KIF1B: variants seen among roughly 807,000 people sequenced by gnomAD.
KIF1B encodes kinesin-like protein KIF1B.
A neutral mutation model predicts 241.9 loss-of-function variants in KIF1B; 76 were observed. That is an observed-to-expected ratio of 0.31 (90% CI 0.26 to 0.38). The LOEUF (loss-of-function observed/expected upper bound fraction) is 0.38, where lower values mean the gene tolerates loss of function less well. KIF1B is among the 10% of genes least tolerant of loss of function. The pLI is 1.00. For missense variants in KIF1B, 1,622 were observed against 2,271.4 expected, an observed-to-expected ratio of 0.71 and a Z score of 5.81; for synonymous variants, 750 against 796.7, an observed-to-expected ratio of 0.94 and a Z score of 0.99.
At chr1:10,250,766 C>T (rs559841026) in intron 2 of KIF1B, among the ~76,000 whole-genome samples, 5 of 152,274 alleles carry the variant, frequency 3.3e-5, no homozygotes, top group South Asian at 4.1e-4. Flanking sequence ...TTGCAGGCTG[C>T]AGTAAGCCAT....
intron 22 of KIF1B, among the ~76,000 whole-genome samples, chr1:10,310,495 A>ATG (rs2102281150): frequency 6.6e-6 from 1 of 151,810 alleles, no homozygotes; most frequent in South Asian, 2.1e-4. Context: ...AAGCAGCCAT[A>ATG]GACAATATGG....
Position 10,242,986 on chromosome 1 carries a change from C to T in KIF1B, c.106+10552C>T, listed in dbSNP as rs574447689. 2.3e-4 allele frequency among the ~76,000 whole-genome samples: 35 copies of T among 152,184 alleles called. 2 individuals carry two copies. The South Asian group carries it at 6.6e-3, about 29-fold the overall frequency. On this transcript the variant is annotated intron_variant, in intron 2 of 48. Transcript: ENST00000676179. ...TTGGCTTACCAGAAAACTGTGGGGC[C>T]GGAAGTATCAGAAGCAACACAGTGA...
intron 36 of KIF1B, among the ~76,000 whole-genome samples, chr1:10,348,166 T>C (rs1652655874): frequency 6.6e-6 from 1 of 152,240 alleles, no homozygotes; most frequent in Non-Finnish European, 1.5e-5. Context: ...CCAGAAGTTC[T>C]TAATAGGAAT....
chr1:10,230,219 A>G (rs1268174381), intron 1 of KIF1B, among the ~76,000 whole-genome samples: 4 of 152,142 alleles, frequency 2.6e-5, no homozygotes, highest in Non-Finnish European at 4.4e-5. Flanking sequence ...GTTCTCGGGA[A>G]CACATCGGTT....
At chr1:10,327,192 C>A (rs987145573) in intron 27 of KIF1B, among the ~76,000 whole-genome samples, 1 of 151,844 alleles carries the variant, frequency 6.6e-6, no homozygotes, top group Non-Finnish European at 1.5e-5. Flanking sequence ...CCCATGAAAC[C>A]CGTCTCTACT....
At chr1:10,310,275 G>A (rs1651011214) in intron 22 of KIF1B, among the ~76,000 whole-genome samples, 1 of 151,644 alleles carries the variant, frequency 6.6e-6, no homozygotes, top group Non-Finnish European at 1.5e-5. Flanking sequence ...GATTCACTAG[G>A]TCTGGGGCGA....
At chr1:10,236,630 G>A (rs1466422396) in intron 2 of KIF1B, among the ~76,000 whole-genome samples, 3 of 152,164 alleles carry the variant, frequency 2.0e-5, no homozygotes, top group African/African-American at 7.2e-5. Context: ...AATCATATGA[G>A]AACCATTATA....
At chr1:10,311,004 C>G (rs1651042128) in intron 22 of KIF1B, among the ~76,000 whole-genome samples, 1 of 151,440 alleles carries the variant, frequency 6.6e-6, no homozygotes, top group Non-Finnish European at 1.5e-5. Context: ...TGGGCTTTCC[C>G]TCCTGTTAGT....
intron 22 of KIF1B, chr1:10,306,566 G>C (rs1650836078): frequency 8.1e-6 from 4 of 496,630 alleles, no homozygotes; most frequent in African/African-American, 2.0e-5. Flanking sequence ...CACTATGCCA[G>C]TTGGGTGTAA....
At chr1:10,241,167 A>T (rs1011448517) in intron 2 of KIF1B, among the ~76,000 whole-genome samples, 4 of 152,134 alleles carry the variant, frequency 2.6e-5, no homozygotes, top group Admixed American at 1.3e-4. Flanking sequence ...GACTGAATAC[A>T]GTGGCACAAT....
chr1:10,250,835 A>C (rs940212812), intron 2 of KIF1B, among the ~76,000 whole-genome samples: 1 of 151,182 alleles, frequency 6.6e-6, no homozygotes, highest in African/African-American at 2.4e-5. Flanking sequence ...GGGGAAAACA[A>C]ATGGATTAGT....
At chr1:10,289,768 C>T (rs1335022978) in intron 15 of KIF1B, among the ~76,000 whole-genome samples, 1 of 152,088 alleles carries the variant, frequency 6.6e-6, no homozygotes, top group African/African-American at 2.4e-5. Context: ...CCTGCAGTGC[C>T]AGCTACTCAG....
At chr1:10,290,277 A>AGGTTCTTATATTTATATAAG (rs1649927965) in intron 15 of KIF1B, among the ~76,000 whole-genome samples, 1 of 152,076 alleles carries the variant, frequency 6.6e-6, no homozygotes, top group South Asian at 2.1e-4. Context: ...TCTGGGTTTT[A>AGGTTCTTATATTTATATAAG]AACCCTGTAT....
chr1:10,346,691 A>G (rs553362320), intron 35 of KIF1B, among the ~76,000 whole-genome samples: 5 of 152,276 alleles, frequency 3.3e-5, no homozygotes, highest in African/African-American at 1.2e-4. Context: ...GTTTTATCAT[A>G]ATGGGTTTTA....
intron 28 of KIF1B, among the ~76,000 whole-genome samples, chr1:10,335,810 A>T (rs919241107): frequency 4.0e-5 from 6 of 151,496 alleles, no homozygotes; most frequent in African/African-American, 1.5e-4. Context: ...CCTGGGCAAC[A>T]TAGTGAGACC....
rs201066671 is a variant in KIF1B at position 10,212,890 on chromosome 1, GTATATATATATATATATATATATATA to G, written c.-80+2029_-80+2054del. On this transcript the variant is annotated intron_variant, in intron 1 of 48. Transcript: ENST00000676179. ...TATGTGTGTGTGTGCATGCGTGTGT[GTATATATATATATATATATATATATA>G]TATATATATATATATACACACACAC... Among the ~76,000 whole-genome samples the G allele has an allele frequency of 2.3e-3, 257 of 109,498 alleles. 8 individuals are homozygous for G. The East Asian group carries it at 0.053, about 23-fold the overall frequency. 71.8% of individuals were successfully genotyped at this position (109,498 alleles called of 152,430 possible). A position where few individuals can be genotyped will look rare whatever the true frequency, so the allele number is the denominator to read the frequency against.
chr1:10,367,780 G>A (rs533613553), intron 43 of KIF1B, among the ~76,000 whole-genome samples: 1 of 152,014 alleles, frequency 6.6e-6, no homozygotes, highest in Admixed American at 6.6e-5. Context: ...CCAGGCTAGA[G>A]TGCAGTGGTA....
In KIF1B at chr1:10,355,712, GTTTTCCTC is replaced by G. The variant is rs377214408; in HGVS notation, c.4055+2980_4055+2987del. Among the ~76,000 whole-genome samples the G allele has an allele frequency of 4.1e-3, 627 of 151,886 alleles. 4 individuals carry two copies. Among genetic ancestry groups the G allele is most frequent in the African/African-American group, 0.014 (592 of 41,418 alleles). On this transcript the variant is annotated intron_variant, in intron 38 of 48. Coordinates refer to ENST00000676179, the MANE Select transcript of KIF1B (RefSeq NM_001365951.3). ...TACAGAATCTCAGGTTTTGTTTTCTGTTTTCCTCTTTATCTGTCTTCTCTCCGTCAAAA... is the reference window on the plus strand; with the variant it reads ...TACAGAATCTCAGGTTTTGTTTTCTGTTTATCTGTCTTCTCTCCGTCAAAA...
intron 24 of KIF1B, among the ~76,000 whole-genome samples, chr1:10,323,193 T>G (rs1557713719): frequency 1.3e-5 from 2 of 152,182 alleles, no homozygotes; most frequent in South Asian, 4.1e-4. Flanking sequence ...GTAGTTGCAA[T>G]CCTCTGAATT....
Sources: allele counts gnomAD v4.1 joint callset (sites outside exome capture counted in the v4.1 genomes callset), GRCh38; gene constraint gnomAD v4.1.1; transcripts MANE v1.5; gene names NCBI Gene and HGNC (gene_info 2026-07-23, HGNC 2026-07-21).